ZNF692: variants seen among roughly 807,000 people sequenced by gnomAD.
ZNF692 encodes AICAR responsive element binding protein.
In ZNF692, 41 loss-of-function variants were observed where a neutral mutation model predicts 49.0. The observed-to-expected ratio is 0.84, with a 90% CI of 0.65 to 1.08. The LOEUF is 1.08. Among genes scored for constraint, ZNF692 ranks in the 50% least tolerant of loss-of-function variants. The pLI is 0.00. For synonymous variants in ZNF692, 288 were observed against 251.5 expected (o/e 1.15, Z -1.37); for missense variants, 662 against 662.2 (o/e 1.00, Z 0.00).
chr1:248,858,221 C>G lies in ZNF692; in HGVS notation c.89G>C (p.Arg30Pro). ...LDARRSKCRIRLGGHMEQWCL... is the reference protein window; with the variant it reads ...LDARRSKCRIPLGGHMEQWCL... ...CCACTGCTCCATGTGGCCGCCCAGGCGGATGCGGCACTTGCTGCGGCGCGC... is the reference window on the plus strand; with the variant it reads ...CCACTGCTCCATGTGGCCGCCCAGGGGGATGCGGCACTTGCTGCGGCGCGC... Residue 30 changes from arginine (R) to proline (P), a missense_variant, in exon 2 of 12, where the codon CGC becomes CCC. Transcript: ENST00000306601. This position sits in a 1 kb window ranked among gnomAD's most constrained non-coding sequence, Gnocchi z 4.3. The G allele has an allele frequency of 6.3e-7, 1 of 1,592,744 alleles. No individual in the cohort carries two copies. Among genetic ancestry groups the G allele is most frequent in the Non-Finnish European group, 8.5e-7 (1 of 1,170,412 alleles).
chr1:248,858,886 C>A lies in ZNF692; in HGVS notation c.-13+32G>T, dbSNP rs901919620. On this transcript the variant is annotated intron_variant, in intron 1 of 11. Transcript: ENST00000306601. This position sits in a 1 kb window ranked among gnomAD's most constrained non-coding sequence, Gnocchi z 4.3. ...GGCAGTTCCCAGGCTGCCCAGAGCCCCCGTCGCGACCCACCCCCACCCCGG... is the reference window on the plus strand; with the variant it reads ...GGCAGTTCCCAGGCTGCCCAGAGCCACCGTCGCGACCCACCCCCACCCCGG... 16 of 330,864 alleles carry A rather than the reference C, an allele frequency of 4.8e-5. No individual in the cohort carries two copies. The highest frequency in any genetic ancestry group is 9.1e-4 in the Middle Eastern group (1 of 1,104). The allele number at this position is 330,864 out of a possible 1,614,324, so 20.5% of individuals were successfully genotyped here. A position where few individuals can be genotyped will look rare whatever the true frequency, so the allele number is the denominator to read the frequency against.
Position 248,858,107 on chromosome 1 carries a change from C to A in ZNF692, c.179+24G>T. The A allele has an allele frequency of 6.4e-7, 1 of 1,557,162 alleles. No individual in the cohort carries two copies. Among genetic ancestry groups the A allele is most frequent in the African/African-American group, 1.4e-5 (1 of 74,008 alleles). ...GGGCTGCTGCCTGGGTACCCTCCCC[C>A]AAGCCCTTCTCCCGGCCCCTAACCG... On this transcript the variant is annotated intron_variant, in intron 2 of 11. Transcript: ENST00000306601. This position sits in a 1 kb window ranked among gnomAD's most constrained non-coding sequence, Gnocchi z 4.3.
chr1:248,850,565 G>T (rs1659443470), intron 11 of ZNF692, 49 bp from the exon 12 acceptor site: 1 of 1,589,324 alleles, frequency 6.3e-7, no homozygotes, highest in Non-Finnish European at 8.6e-7. Context: ...AGGCCATCAT[G>T]ACTTCCCTAG....
Position 248,855,828 on chromosome 1 carries a change from C to T in ZNF692, c.778G>A (p.Ala260Thr). Residue 260 changes from alanine (A) to threonine (T), a missense_variant, in exon 7 of 12, where the codon GCA becomes ACA. Ala to Thr is a moderately conservative substitution (Grantham distance 58). Transcript: ENST00000306601. ...SSPLAVPALS[A>T]SSLSSRAPPP... Reference sequence around the variant, plus strand: ...GGAGCTCTGGAACTCAATGAGGATGCTGACAAGGCCGGCACAGCAAGAGGA... The same window carrying T: ...GGAGCTCTGGAACTCAATGAGGATGTTGACAAGGCCGGCACAGCAAGAGGA... 1 of 1,614,190 alleles carries T rather than the reference C, an allele frequency of 6.2e-7. No homozygotes were observed. The highest frequency in any genetic ancestry group is 8.5e-7 in the Non-Finnish European group (1 of 1,180,046).
At chr1:248,855,067 C>G (rs1660068524) in intron 9 of ZNF692, among the ~76,000 whole-genome samples, 1 of 152,144 alleles carries the variant, frequency 6.6e-6, no homozygotes, top group African/African-American at 2.4e-5. Context: ...CTAGAACTAC[C>G]CTCTCAAGCC....
In ZNF692 at chr1:248,855,631, C is replaced by T. The variant is rs202070604; in HGVS notation, c.886G>A (p.Gly296Arg). The T allele has an allele frequency of 1.9e-6, 3 of 1,614,108 alleles. No individual in the cohort carries two copies. Among genetic ancestry groups the T allele is most frequent in the Non-Finnish European group, 2.5e-6 (3 of 1,180,050 alleles). The part of the protein sequence containing the change: ...AQQTEALAST[G>R]SQAQSAPTPA... ...GTTGGAGCAGACTGGGCCTGACTCC[C>T]AGTGCTACGGGCAGCAAAGAGGGAG... Residue 296 changes from glycine (G) to arginine (R), a missense_variant, in exon 8 of 12, where the codon GGG becomes AGG. By Grantham distance (125) the Gly-to-Arg change is moderately radical (BLOSUM62 -2). Coordinates refer to ENST00000306601, the MANE Select transcript of ZNF692 (RefSeq NM_017865.4).
At position 248,859,016 on chromosome 1, in the gene ZNF692, T is replaced by A. The variant is rs892030737; in HGVS notation, c.-111A>T. ...AGCTGCTGGAAGACAGGGGCCCACC[T>A]CGCGCGCGCAGCGTTTCTCTTTTAA... On this transcript the variant is annotated 5_prime_UTR_variant, in exon 1 of 12. Coordinates refer to ENST00000306601, the MANE Select transcript of ZNF692 (RefSeq NM_017865.4). 1 of 154,718 alleles carries A rather than the reference T, an allele frequency of 6.5e-6. No individual in the cohort carries two copies. The highest frequency in any genetic ancestry group is 1.4e-5 in the Non-Finnish European group (1 of 70,480). 9.6% of individuals were successfully genotyped at this position (154,718 alleles called of 1,614,324 possible).
At position 248,850,008 on chromosome 1, in the gene ZNF692, T is replaced by C; in HGVS notation, c.*202A>G. ...AACACTTGCTCTGCCCACACATGCC[T>C]GCATAAAATACTGTTTATTTTGTCC... is the stretch of plus-strand genomic sequence containing the variant. On this transcript the variant is annotated 3_prime_UTR_variant, in exon 12 of 12. Coordinates refer to ENST00000306601, the MANE Select transcript of ZNF692 (RefSeq NM_017865.4). The C allele has an allele frequency of 1.9e-6, 1 of 513,274 alleles. No individual in the cohort carries two copies. The highest frequency in any genetic ancestry group is 3.3e-6 in the Non-Finnish European group (1 of 302,210). The allele number at this position is 513,274 out of a possible 1,614,324, so 31.8% of individuals were successfully genotyped here.
At chr1:248,855,993 C>A (rs770095521) in intron 6 of ZNF692, 47 bp from the exon 7 acceptor site, 2 of 1,573,428 alleles carry the variant, frequency 1.3e-6, no homozygotes, top group South Asian at 2.3e-5. Flanking sequence ...TCTGGGCAGT[C>A]AGCCATCCCC....
chr1:248,850,219 A>G lies in ZNF692; in HGVS notation c.1551T>C (p.Pro517=), dbSNP rs1465592802. Residue 517 remains proline (P), a synonymous_variant, in exon 12 of 12, where the codon CCT becomes CCC. Transcript: ENST00000306601. ...AAAGCTGGAGGAGAGCTCATTGCTG[A>G]GGAAGCAGGGTTGGAGCCTGAGGAG... is the stretch of plus-strand genomic sequence containing the variant. ...SASPQAPTLL[P]QQ is the part of the protein sequence containing the mutation. The G allele has an allele frequency of 1.3e-6, 2 of 1,522,806 alleles. No homozygotes were observed. Among genetic ancestry groups the G allele is most frequent in the South Asian group, 2.6e-5 (2 of 76,628 alleles). The allele number at this position is 1,522,806 out of a possible 1,614,324, so 94.3% of individuals were successfully genotyped here.
Position 248,850,226 on chromosome 1 carries a change from A to G in ZNF692, c.1544T>C (p.Leu515Pro). 4 of 1,525,862 alleles carry G rather than the reference A, an allele frequency of 2.6e-6. No individual in the cohort carries two copies. The highest frequency in any genetic ancestry group is 3.5e-6 in the Non-Finnish European group (4 of 1,136,944). The allele number at this position is 1,525,862 out of a possible 1,614,324, so 94.5% of individuals were successfully genotyped here. A position where few individuals can be genotyped will look rare whatever the true frequency, so the allele number is the denominator to read the frequency against. Residue 515 changes from leucine to proline, a missense_variant, in exon 12 of 12, where the codon CTG (leucine) becomes CCG (proline). By Grantham distance (98) the Leu-to-Pro change is moderately conservative. Coordinates refer to ENST00000306601, the MANE Select transcript of ZNF692 (RefSeq NM_017865.4). ...RPSASPQAPT[L>P]LPQQ is the part of the protein sequence containing the mutation. ...GAGGAGAGCTCATTGCTGAGGAAGC[A>G]GGGTTGGAGCCTGAGGAGATGCAGA...
chr1:248,853,695 G>GC (rs1450895795), intron 10 of ZNF692, among the ~76,000 whole-genome samples: 1 of 152,210 alleles, frequency 6.6e-6, no homozygotes, highest in Admixed American at 6.5e-5. Context: ...GGTTAGCGCT[G>GC]CCTGCTCTGT....
intron 10 of ZNF692, 23 bp from the exon 11 acceptor site, chr1:248,850,804 C>T: frequency 6.2e-7 from 1 of 1,610,174 alleles, no homozygotes; most frequent in Non-Finnish European, 8.5e-7. Flanking sequence ...GAGGGACACT[C>T]CAGCATCTGC....
intron 9 of ZNF692, among the ~76,000 whole-genome samples, chr1:248,854,951 G>A (rs573581521): frequency 1.9e-3 from 288 of 152,248 alleles, no homozygotes; most frequent in Non-Finnish European, 3.4e-3. Context: ...TACCTGCTGT[G>A]CCAAGTGCTC....
At chr1:248,852,483 A>C (rs1379301448) in intron 10 of ZNF692, among the ~76,000 whole-genome samples, 2 of 151,966 alleles carry the variant, frequency 1.3e-5, no homozygotes, top group Non-Finnish European at 2.9e-5. Flanking sequence ...GCCTTTCTCT[A>C]TGGAATCATT....
chr1:248,858,819 C>G lies in ZNF692; in HGVS notation c.-13+99G>C. On this transcript the variant is annotated intron_variant, in intron 1 of 11. Coordinates refer to ENST00000306601, the MANE Select transcript of ZNF692 (RefSeq NM_017865.4). This position sits in a 1 kb window ranked among gnomAD's most constrained non-coding sequence, Gnocchi z 4.3. ...CCCCATCCACCCCGTCTTGGGCACC[C>G]CCACTTAATGCTGACAGTGAGTGGA... The G allele has an allele frequency of 1.8e-6, 1 of 561,096 alleles. No homozygotes were observed. The highest frequency in any genetic ancestry group is 3.1e-5 in the East Asian group (1 of 32,716). The allele number at this position is 561,096 out of a possible 1,614,324, so 34.8% of individuals were successfully genotyped here.
Position 248,858,882 on chromosome 1 carries a change from A to C in ZNF692, c.-13+36T>G. Reference sequence around the variant, plus strand: ...CAATGGCAGTTCCCAGGCTGCCCAGAGCCCCCGTCGCGACCCACCCCCACC... The same window carrying C: ...CAATGGCAGTTCCCAGGCTGCCCAGCGCCCCCGTCGCGACCCACCCCCACC... On this transcript the variant is annotated intron_variant, in intron 1 of 11. Transcript: ENST00000306601. This position sits in a 1 kb window ranked among gnomAD's most constrained non-coding sequence, Gnocchi z 4.3. 2.9e-6 allele frequency: 1 copy of C among 341,212 alleles called. No individual in the cohort carries two copies. The highest frequency in any genetic ancestry group is 4.0e-5 in the Admixed American group (1 of 24,820). 21.1% of individuals were successfully genotyped at this position (341,212 alleles called of 1,614,324 possible).
Position 248,850,413 on chromosome 1 carries a change from A to G in ZNF692, c.1357T>C (p.Cys453Arg), listed in dbSNP as rs1379882073. The G allele has an allele frequency of 6.2e-7, 1 of 1,614,190 alleles. No homozygotes were observed. ...TCTGGCTTCTCAAAGCGCTTGCCGC[A>G]GAATTCACAGGGGAAGCGCAAGGCA... ...VAALRFPCEF[C>R]GKRFEKPDSV... Residue 453 changes from cysteine to arginine, a missense_variant, in exon 12 of 12, where the codon TGC (cysteine) becomes CGC (arginine). Cys to Arg is a radical substitution (Grantham distance 180). Coordinates refer to ENST00000306601, the MANE Select transcript of ZNF692 (RefSeq NM_017865.4).
At position 248,855,828 on chromosome 1, in the gene ZNF692, CT is replaced by C. The variant is rs1334489802; in HGVS notation, c.777del (p.Ala260HisfsTer4). On this transcript the variant is annotated frameshift_variant, in exon 7 of 12. Transcript: ENST00000306601. LOFTEE classifies it high-confidence loss of function. ...LSSPLAVPAL[S>X]ASSLSSRAPP... ...GGAGCTCTGGAACTCAATGAGGATG[CT>C]GACAAGGCCGGCACAGCAAGAGGAC... The C allele has an allele frequency of 6.2e-7, 1 of 1,614,190 alleles. No homozygotes were observed. The highest frequency in any genetic ancestry group is 1.1e-5 in the South Asian group (1 of 91,090).
Sources: gnomAD v4.1 joint callset for allele counts (sites outside exome capture counted in the v4.1 genomes callset) on GRCh38, gnomAD v4.1.1 for gene constraint, Gnocchi (gnomAD v3.1) non-coding constraint, MANE v1.5 for transcripts, NCBI Gene and HGNC (gene_info 2026-07-23, HGNC 2026-07-21) for gene names.